Variants in DPP10 observed in about 807,000 individuals in gnomAD.
The protein encoded by DPP10 is inactive dipeptidyl peptidase 10.
Under a neutral mutation model 120.9 loss-of-function variants are expected in DPP10, and 33 were observed. The observed-to-expected ratio is 0.27, with a 90% CI of 0.21 to 0.37. The LOEUF (loss-of-function observed/expected upper bound fraction) is 0.37. Among genes scored for constraint, DPP10 ranks in the 10% least tolerant of loss-of-function variants. The pLI is 1.00. For synonymous variants in DPP10, 337 were observed against 326.1 expected (o/e 1.03, Z -0.36); for missense variants, 816 against 942.8 (o/e 0.87, Z 1.76).
intron 1 of DPP10, among the ~76,000 whole-genome samples, chr2:115,013,438 A>C (rs942750907): frequency 6.6e-6 from 1 of 151,734 alleles, no homozygotes; most frequent in African/African-American, 2.4e-5. Context: ...TTTTTCCTTC[A>C]TTTCAACCTT....
At chr2:114,605,281 C>T (rs1692695528) in intron 1 of DPP10, among the ~76,000 whole-genome samples, 1 of 152,058 alleles carries the variant, frequency 6.6e-6, no homozygotes, top group South Asian at 2.1e-4. Flanking sequence ...CAGGTGTGAA[C>T]TGCATGGGTC....
At chr2:114,945,884 T>G (rs1430983449) in intron 1 of DPP10, among the ~76,000 whole-genome samples, 5 of 152,104 alleles carry the variant, frequency 3.3e-5, no homozygotes, top group African/African-American at 1.2e-4. Context: ...AACATTAACT[T>G]AGCCAGGTAA....
chr2:115,131,918 G>T (rs1296500685), intron 1 of DPP10: 1 of 148,752 alleles, frequency 6.7e-6, no homozygotes, highest in East Asian at 2.1e-4. Flanking sequence ...GTGAAACCCT[G>T]TCTCTACTAA....
At chr2:114,580,737 T>C (rs904346899) in intron 1 of DPP10, among the ~76,000 whole-genome samples, 1 of 151,484 alleles carries the variant, frequency 6.6e-6, no homozygotes. Context: ...TTTTTTTTTT[T>C]CGGAGACCTC....
At chr2:115,373,382 C>A (rs892749100) in intron 3 of DPP10, among the ~76,000 whole-genome samples, 1 of 152,168 alleles carries the variant, frequency 6.6e-6, no homozygotes, top group African/African-American at 2.4e-5. Flanking sequence ...TTTATCTAAC[C>A]CTGTGTAGTG....
At chr2:114,468,274 T>G (rs10166587) in intron 1 of DPP10, among the ~76,000 whole-genome samples, 18,588 of 151,482 alleles carry the variant, frequency 0.12, 2,670 homozygotes, top group African/African-American at 0.35. Context: ...ATGTCAAAAG[T>G]AGTAGCAAGA....
intron 3 of DPP10, among the ~76,000 whole-genome samples, chr2:115,346,191 G>C (rs1254134921): frequency 6.6e-6 from 1 of 152,178 alleles, no homozygotes; most frequent in Non-Finnish European, 1.5e-5. Flanking sequence ...ACATAGCCTG[G>C]AAATTCAATG....
chr2:115,108,847 A>G (rs1053026730), intron 1 of DPP10, among the ~76,000 whole-genome samples: 2 of 152,158 alleles, frequency 1.3e-5, no homozygotes, highest in Non-Finnish European at 2.9e-5. Flanking sequence ...AGTTGGGTTC[A>G]TGGTTGAGAA....
At chr2:115,733,123 G>A (rs531604759) in intron 8 of DPP10, among the ~76,000 whole-genome samples, 33 of 152,060 alleles carry the variant, frequency 2.2e-4, no homozygotes, top group Non-Finnish European at 3.7e-4. Context: ...GAAAAGGTGC[G>A]GAAAAATTCA....
Position 115,466,715 on chromosome 2 carries a change from C to T in DPP10, c.272-32795C>T, listed in dbSNP as rs559192403. Among the ~76,000 whole-genome samples, 6 of 152,094 alleles carry T rather than the reference C, an allele frequency of 3.9e-5. No homozygotes were observed. In the East Asian group the frequency reaches 1.2e-3, roughly 30 times the overall value. On this transcript the variant is annotated intron_variant, in intron 3 of 25. Coordinates refer to ENST00000410059, the MANE Select transcript of DPP10 (RefSeq NM_020868.6). The stretch of plus-strand genomic sequence containing the variant: ...AGGCTTGATATACTGTGATGTAGCC[C>T]TTAAAATATGGATGTTCTTGTCAGA...
intron 5 of DPP10, among the ~76,000 whole-genome samples, chr2:115,562,481 A>AT (rs1385079364): frequency 1.3e-5 from 2 of 152,094 alleles, no homozygotes; most frequent in Non-Finnish European, 2.9e-5. Flanking sequence ...TTCCACACTC[A>AT]TTTTTTCTGT....
At chr2:115,572,793 CATT>C (rs1356927222) in intron 5 of DPP10, among the ~76,000 whole-genome samples, 1 of 152,124 alleles carries the variant, frequency 6.6e-6, no homozygotes. Flanking sequence ...CAAAGTGTAA[CATT>C]ATTATTTTTT....
chr2:115,383,416 C>T (rs914701181), intron 3 of DPP10, among the ~76,000 whole-genome samples: 1 of 152,176 alleles, frequency 6.6e-6, no homozygotes, highest in African/African-American at 2.4e-5. Flanking sequence ...TGGAACTGTG[C>T]ATGCATTAAA....
chr2:115,070,385 A>G (rs1054152129), intron 1 of DPP10, among the ~76,000 whole-genome samples: 2 of 152,204 alleles, frequency 1.3e-5, no homozygotes, highest in Admixed American at 6.5e-5. Context: ...CAATGTTCAG[A>G]ACAAATATAT....
At chr2:114,667,413 A>G (rs1017151210) in intron 1 of DPP10, among the ~76,000 whole-genome samples, 3 of 152,164 alleles carry the variant, frequency 2.0e-5, no homozygotes, top group Non-Finnish European at 4.4e-5. Context: ...TTCTTCTAAC[A>G]TGCCTTAACC....
intron 3 of DPP10, among the ~76,000 whole-genome samples, chr2:115,348,059 G>C (rs965068144): frequency 6.6e-6 from 1 of 152,098 alleles, no homozygotes; most frequent in African/African-American, 2.4e-5. Flanking sequence ...GGATGGCAGA[G>C]AGGTAGGAGA....
intron 1 of DPP10, among the ~76,000 whole-genome samples, chr2:115,076,849 G>C (rs780996713): frequency 5.5e-4 from 84 of 152,320 alleles, no homozygotes; most frequent in African/African-American, 2.0e-3. Flanking sequence ...TCATATGTGA[G>C]AGTTTTATAC....
chr2:115,652,134 G>A (rs2149380726), intron 5 of DPP10, among the ~76,000 whole-genome samples: 1 of 152,144 alleles, frequency 6.6e-6, no homozygotes, highest in African/African-American at 2.4e-5. Flanking sequence ...AGCTGGAATA[G>A]TTGGATACAT....
rs546266820 is a variant in DPP10 at position 115,050,219 on chromosome 2, G to C, written c.61-259020G>C. 2.0e-5 allele frequency: 3 copies of C among 152,206 alleles called. No individual in the cohort carries two copies. The East Asian group carries it at 5.8e-4, about 29-fold the overall frequency. The allele number at this position is 152,206 out of a possible 1,614,324, so 9.4% of individuals were successfully genotyped here. ...GTTGAAGAAATACCTACTGAATCTTGGTAAGAACAATGAGCTTTGAGGTAT... is the reference window on the plus strand; with the variant it reads ...GTTGAAGAAATACCTACTGAATCTTCGTAAGAACAATGAGCTTTGAGGTAT... On this transcript the variant is annotated intron_variant, in intron 1 of 25. Transcript: ENST00000410059.
Sources: allele counts gnomAD v4.1 joint callset (sites outside exome capture counted in the v4.1 genomes callset), GRCh38; gene constraint gnomAD v4.1.1; transcripts MANE v1.5; gene names NCBI Gene and HGNC (gene_info 2026-07-23, HGNC 2026-07-21).